MIA2: variants seen among roughly 807,000 people sequenced by gnomAD.
MIA2 encodes melanoma inhibitory activity protein 2.
In MIA2, 127 loss-of-function variants were observed where a neutral mutation model predicts 167.8. The observed-to-expected ratio is 0.76, with a 90% CI of 0.66 to 0.88. The LOEUF is 0.88. Ranked by LOEUF, MIA2 falls within the 40% of genes least tolerant of loss-of-function variation. MIA2 has a pLI of 0.00. For synonymous variants in MIA2, 552 were observed against 541.9 expected, an observed-to-expected ratio of 1.02 and a Z score of -0.26; for missense variants, 1,690 against 1,624.7, an observed-to-expected ratio of 1.04 and a Z score of -0.69.
intron 21 of MIA2, among the ~76,000 whole-genome samples, chr14:39,316,687 A>G (rs74984486): frequency 0.031 from 4,750 of 152,234 alleles, 269 homozygotes; most frequent in African/African-American, 0.11. Flanking sequence ...ATGCTTTAGT[A>G]TTGAGGGTTC....
At chr14:39,238,727 G>T (rs2053883790) in intron 2 of MIA2, among the ~76,000 whole-genome samples, 1 of 134,350 alleles carries the variant, frequency 7.4e-6, no homozygotes, top group Non-Finnish European at 1.5e-5. Context: ...CCCAGAGGTA[G>T]AGGCTGCAGT....
At chr14:39,287,923 C>T (rs954574212) in intron 9 of MIA2, among the ~76,000 whole-genome samples, 1 of 152,152 alleles carries the variant, frequency 6.6e-6, no homozygotes, top group Non-Finnish European at 1.5e-5. Flanking sequence ...TGGCTCACTG[C>T]AGCCTCAACC....
At chr14:39,370,650 T>G (rs893174697) in intron 23 of MIA2, 1 of 303,872 alleles carries the variant, frequency 3.3e-6, no homozygotes, top group African/African-American at 2.2e-5. Flanking sequence ...TGCCCGAGTC[T>G]GTCGCACGTG....
chr14:39,313,004 A>G (rs558840953), intron 18 of MIA2, among the ~76,000 whole-genome samples: 4 of 152,108 alleles, frequency 2.6e-5, no homozygotes, highest in Admixed American at 6.5e-5. Flanking sequence ...AGCAAATGTA[A>G]TGCTTGTTTA....
Position 39,308,446 on chromosome 14 carries a change from T to C in MIA2, c.2879-3T>C, listed in dbSNP as rs190344154. 2.2e-4 allele frequency: 331 copies of C among 1,491,368 alleles called. No individual in the cohort carries two copies. The African/African-American group carries it at 3.7e-3, about 16-fold the overall frequency. 92.4% of individuals were successfully genotyped at this position (1,491,368 alleles called of 1,614,324 possible). On this transcript the variant is annotated splice_polypyrimidine_tract_variant and splice_region_variant and intron_variant, in intron 17 of 28. Transcript: ENST00000640607. ...TTAATTATGACTTAAAATTTTTATA[T>C]AGAGCATATTAAAAATCTTCAGACT...
chr14:39,288,499 G>A, intron 9 of MIA2, among the ~76,000 whole-genome samples: 1 of 80,630 alleles, frequency 1.2e-5, no homozygotes, highest in African/African-American at 5.2e-5. Context: ...TTTTGAGACG[G>A]AGTCTGGCGC....
chr14:39,266,958 A>G, intron 6 of MIA2: 2 of 682,622 alleles, frequency 2.9e-6, no homozygotes, highest in Non-Finnish European at 3.6e-6. Flanking sequence ...TGTGCGGCTC[A>G]CACGACAGCG....
At chr14:39,386,426 C>G (rs1479538289) in intron 23 of MIA2, 2 of 1,552,488 alleles carry the variant, frequency 1.3e-6, no homozygotes, top group African/African-American at 2.7e-5. Flanking sequence ...AAGGCTGTTT[C>G]TAGCAGAACC....
chr14:39,239,546 C>T (rs1310790350), intron 2 of MIA2, among the ~76,000 whole-genome samples: 1 of 152,140 alleles, frequency 6.6e-6, no homozygotes, highest in African/African-American at 2.4e-5. Flanking sequence ...CAGAGCAAGA[C>T]TCTGTCTCTA....
rs189684181 is a variant in MIA2, at chr14:39,337,786, C to T, written c.3656-8118C>T. Reference sequence around the variant, plus strand: ...AGGCTGGAGTGCTGTGGTGTAATCTCGGCTCACTGCAACCTCTGCCTCCTG... The same window carrying T: ...AGGCTGGAGTGCTGTGGTGTAATCTTGGCTCACTGCAACCTCTGCCTCCTG... On this transcript the variant is annotated intron_variant, in intron 25 of 28. Transcript: ENST00000640607. Among the ~76,000 whole-genome samples the T allele has an allele frequency of 2.3e-4, 35 of 151,772 alleles. 1 individual carries two copies. The East Asian group carries it at 2.5e-3, about 11-fold the overall frequency.
intron 6 of MIA2, among the ~76,000 whole-genome samples, chr14:39,255,371 G>A (rs1384625884): frequency 6.6e-6 from 1 of 152,162 alleles, no homozygotes; most frequent in Non-Finnish European, 1.5e-5. Context: ...AGCTGGGCGT[G>A]GTGGCGCGCA....
intron 25 of MIA2, among the ~76,000 whole-genome samples, chr14:39,341,553 A>G (rs1003602557): frequency 5.9e-5 from 9 of 152,104 alleles, no homozygotes; most frequent in African/African-American, 2.2e-4. Flanking sequence ...GTGAGTACAG[A>G]TGTAGCTGTT....
downstream of MIA2, among the ~76,000 whole-genome samples, chr14:39,354,164 A>G (rs1201047376): frequency 6.6e-6 from 1 of 152,226 alleles, no homozygotes; most frequent in East Asian, 1.9e-4. Context: ...TGGTTGAACT[A>G]GTTTACAGTC....
At position 39,296,605 on chromosome 14, in the gene MIA2, C is replaced by CTTT. The variant is rs56677159; in HGVS notation, c.2496+1589_2496+1591dup. The stretch of plus-strand genomic sequence containing the variant: ...CACGGGCGGGGTTTTCTTTTCTTTT[C>CTTT]TTTTTTTTTTTTTTTAATTTTTATT... On this transcript the variant is annotated intron_variant, in intron 13 of 28. Coordinates refer to ENST00000640607, the MANE Select transcript of MIA2 (RefSeq NM_001329214.4). 5.0e-5 allele frequency among the ~76,000 whole-genome samples: 7 copies of CTTT among 138,680 alleles called. No homozygotes were observed. In the East Asian group the frequency reaches 6.3e-4, roughly 12 times the overall value. The allele number at this position is 138,680 out of a possible 152,430, so 91.0% of individuals were successfully genotyped here.
intron 15 of MIA2, among the ~76,000 whole-genome samples, chr14:39,303,143 G>A (rs185391237): frequency 2.0e-5 from 3 of 151,988 alleles, no homozygotes; most frequent in Non-Finnish European, 4.4e-5. Flanking sequence ...TTTAACTTGG[G>A]TTATAATTTT....
At chr14:39,284,499 A>ATT (rs2059351189) in intron 9 of MIA2, among the ~76,000 whole-genome samples, 1 of 151,936 alleles carries the variant, frequency 6.6e-6, no homozygotes, top group Admixed American at 6.6e-5. Context: ...TGCCAACTCT[A>ATT]TTTTTCTCAG....
chr14:39,325,288 A>T (rs551189236), intron 24 of MIA2, among the ~76,000 whole-genome samples: 1 of 152,098 alleles, frequency 6.6e-6, no homozygotes, highest in Non-Finnish European at 1.5e-5. Flanking sequence ...TTTCTGGACA[A>T]TATAATTTTG....
At position 39,236,973 on chromosome 14, in the gene MIA2, G is replaced by A. The variant is rs545707783; in HGVS notation, c.167G>A (p.Arg56Gln). The A allele has an allele frequency of 1.2e-5, 19 of 1,613,840 alleles. No individual in the cohort carries two copies. The highest frequency in any genetic ancestry group is 1.2e-4 in the Admixed American group (7 of 59,994). ...AMRDYRGPDC[R>Q]YLNFTKGEEI... ...AGAGATTATAGAGGACCTGACTGCC[G>A]ATACCTGAACTTCACTAAGGGAGAA... Residue 56 changes from arginine to glutamine, a missense_variant, in exon 2 of 29, where the codon CGA (arginine) becomes CAA (glutamine). Arg to Gln is a conservative substitution (Grantham distance 43). Transcript: ENST00000640607.
chr14:39,374,455 T>TA (rs2075009249), intron 23 of MIA2, among the ~76,000 whole-genome samples: 1 of 152,190 alleles, frequency 6.6e-6, no homozygotes, highest in East Asian at 1.9e-4. Flanking sequence ...AGTGATAAAA[T>TA]ATTAACTTTG....
Sources: allele counts gnomAD v4.1 joint callset (sites outside exome capture counted in the v4.1 genomes callset), GRCh38; gene constraint gnomAD v4.1.1; transcripts MANE v1.5; gene names NCBI Gene and HGNC (gene_info 2026-07-23, HGNC 2026-07-21).